PDGFD: variants seen among roughly 807,000 people sequenced by gnomAD.
PDGFD encodes the protein platelet-derived growth factor D.
A neutral mutation model predicts 44.7 loss-of-function variants in PDGFD; 30 were observed. That is an observed-to-expected ratio of 0.67 (90% CI 0.50 to 0.91). PDGFD has a LOEUF of 0.91. Among genes scored for constraint, PDGFD ranks in the 40% least tolerant of loss-of-function variants. The pLI is 0.00. For synonymous variants in PDGFD, 173 were observed against 168.4 expected (o/e 1.03, Z -0.21); for missense variants, 445 against 457.8 (o/e 0.97, Z 0.25).
intron 3 of PDGFD, among the ~76,000 whole-genome samples, chr11:103,965,778 G>A (rs1391431911): frequency 6.6e-6 from 1 of 152,112 alleles, no homozygotes; most frequent in African/African-American, 2.4e-5. Flanking sequence ...AGGTTTAGAG[G>A]AGGCCTCCTC....
intron 1 of PDGFD, among the ~76,000 whole-genome samples, chr11:104,117,828 A>G (rs779142896): frequency 6.6e-6 from 1 of 152,002 alleles, no homozygotes; most frequent in Non-Finnish European, 1.5e-5. Flanking sequence ...CTACAAATTC[A>G]ACACAATTCT....
chr11:104,079,202 A>AGTCTG (rs1861009403), intron 1 of PDGFD, among the ~76,000 whole-genome samples: 1 of 152,174 alleles, frequency 6.6e-6, no homozygotes, highest in South Asian at 2.1e-4. Flanking sequence ...TAAAAAAAAG[A>AGTCTG]GTCTGTCACA....
intron 3 of PDGFD, among the ~76,000 whole-genome samples, chr11:103,983,221 T>C (rs12418902): frequency 0.25 from 37,190 of 151,424 alleles, 5,572 homozygotes; most frequent in Admixed American, 0.42. Context: ...CAAAAACAGA[T>C]ACCTAGACCA....
At chr11:104,135,242 G>C (rs11226193) in intron 1 of PDGFD, among the ~76,000 whole-genome samples, 3 of 152,138 alleles carry the variant, frequency 2.0e-5, no homozygotes, top group African/African-American at 7.2e-5. Flanking sequence ...TACAGCACCT[G>C]GTATTGGCTG....
intron 1 of PDGFD, among the ~76,000 whole-genome samples, chr11:104,016,209 G>A (rs1273217744): frequency 6.6e-6 from 1 of 152,142 alleles, no homozygotes; most frequent in Non-Finnish European, 1.5e-5. Flanking sequence ...ATACTTTCAG[G>A]TTTGATTAAT....
intron 3 of PDGFD, among the ~76,000 whole-genome samples, chr11:103,960,597 A>G (rs2134336640): frequency 1.3e-5 from 2 of 152,304 alleles, no homozygotes; most frequent in Middle Eastern, 6.8e-3. Context: ...TGTCTAGATT[A>G]ATTCTAATGT....
chr11:104,065,251 A>C (rs1016782660), intron 1 of PDGFD, among the ~76,000 whole-genome samples: 3 of 152,034 alleles, frequency 2.0e-5, no homozygotes, highest in African/African-American at 4.8e-5. Context: ...CTCCTTAATA[A>C]ATGCCCCTTT....
intron 1 of PDGFD, among the ~76,000 whole-genome samples, chr11:104,055,157 G>C (rs545831560): frequency 6.6e-6 from 1 of 152,198 alleles, no homozygotes; most frequent in Non-Finnish European, 1.5e-5. Flanking sequence ...CAAAACGCCA[G>C]TTCATGTCAA....
chr11:104,006,750 C>T (rs562059996), intron 1 of PDGFD, among the ~76,000 whole-genome samples: 1 of 152,294 alleles, frequency 6.6e-6, no homozygotes, highest in South Asian at 2.1e-4. Flanking sequence ...AGAGAGGAGA[C>T]CTGCTGCTGG....
At chr11:103,933,693 A>G (rs1858442476) in intron 5 of PDGFD, among the ~76,000 whole-genome samples, 1 of 152,232 alleles carries the variant, frequency 6.6e-6, no homozygotes, top group Non-Finnish European at 1.5e-5. Context: ...TGCTTTCACA[A>G]AATCAAATTT....
chr11:103,939,087 T>C (rs1310704750), intron 5 of PDGFD, among the ~76,000 whole-genome samples: 8 of 152,132 alleles, frequency 5.3e-5, no homozygotes, highest in Non-Finnish European at 1.2e-4. Flanking sequence ...TCCAATTCTG[T>C]GAAGAAAGTA....
chr11:104,106,300 A>AT (rs1201388245), intron 1 of PDGFD, among the ~76,000 whole-genome samples: 3 of 152,136 alleles, frequency 2.0e-5, no homozygotes, highest in Admixed American at 6.6e-5. Flanking sequence ...ATATGTTCAC[A>AT]TTTTTTTAGC....
chr11:103,938,381 A>G (rs906796830), intron 5 of PDGFD, among the ~76,000 whole-genome samples: 3 of 151,906 alleles, frequency 2.0e-5, no homozygotes, highest in South Asian at 2.1e-4. Flanking sequence ...CATATCCTTC[A>G]CCCACTTTTT....
intron 1 of PDGFD, among the ~76,000 whole-genome samples, chr11:104,022,844 G>A (rs1367721214): frequency 6.6e-6 from 1 of 151,942 alleles, no homozygotes; most frequent in Non-Finnish European, 1.5e-5. Context: ...CACACTCTAA[G>A]TTTATAGGCT....
chr11:103,982,892 C>T (rs1172826198), intron 3 of PDGFD, among the ~76,000 whole-genome samples: 1 of 151,638 alleles, frequency 6.6e-6, no homozygotes, highest in East Asian at 1.9e-4. Context: ...AGGAGAACTA[C>T]AAACTCTGCT....
intron 2 of PDGFD, among the ~76,000 whole-genome samples, chr11:103,997,794 C>A (rs1175546950): frequency 6.6e-6 from 1 of 152,118 alleles, no homozygotes; most frequent in East Asian, 1.9e-4. Flanking sequence ...GTTTAAAGAA[C>A]ACATCATTGT....
At chr11:104,146,832 G>T (rs1163290288) in intron 1 of PDGFD, among the ~76,000 whole-genome samples, 1 of 151,628 alleles carries the variant, frequency 6.6e-6, no homozygotes, top group East Asian at 1.9e-4. Context: ...AGCCAGAGGG[G>T]AATAAAAGAG....
At chr11:104,037,445 G>C in intron 1 of PDGFD, 1 of 1,614,082 alleles carries the variant, frequency 6.2e-7, no homozygotes, top group Non-Finnish European at 8.5e-7. Flanking sequence ...CCACTGGATC[G>C]GGAAGCTCAG....
chr11:103,950,843 G>A (rs919327212), intron 3 of PDGFD, among the ~76,000 whole-genome samples: 1 of 152,122 alleles, frequency 6.6e-6, no homozygotes, highest in African/African-American at 2.4e-5. Context: ...GGTTCTATGA[G>A]GACACCCTTT....
Sources: gnomAD v4.1 joint callset for allele counts (sites outside exome capture counted in the v4.1 genomes callset) on GRCh38, gnomAD v4.1.1 for gene constraint, MANE v1.5 for transcripts, NCBI Gene and HGNC (gene_info 2026-07-23, HGNC 2026-07-21) for gene names.